The following STPG2 variants were observed in gnomAD, a reference collection of about 807,000 sequenced individuals.
STPG2 encodes sperm-tail PG-rich repeat-containing protein 2.
Under a neutral mutation model 54.2 loss-of-function variants are expected in STPG2, and 56 were observed. The ratio of observed to expected loss-of-function variants is 1.03; its 90% confidence interval spans 0.83 to 1.29. The LOEUF (loss-of-function observed/expected upper bound fraction) is 1.29. STPG2 is among the 50% of genes most tolerant of loss of function. STPG2 has a pLI of 0.00. For synonymous variants in STPG2, 200 were observed against 181.8 expected (o/e 1.10, Z -0.81); for missense variants, 596 against 544.9 (o/e 1.09, Z -0.93).
intron 5 of STPG2, among the ~76,000 whole-genome samples, chr4:97,997,601 G>A (rs1735283975): frequency 1.3e-5 from 2 of 152,146 alleles, no homozygotes; most frequent in South Asian, 4.1e-4. Context: ...AGATTTGGGT[G>A]ATAATGCATA....
At chr4:97,927,719 T>C (rs1450865949) in intron 8 of STPG2, among the ~76,000 whole-genome samples, 2 of 152,066 alleles carry the variant, frequency 1.3e-5, no homozygotes, top group East Asian at 1.9e-4. Flanking sequence ...TTCTATTGGA[T>C]TGCCTCAGTT....
intron 5 of STPG2, among the ~76,000 whole-genome samples, chr4:98,046,240 TGTTCATACAATG>T (rs1400316530): frequency 1.3e-5 from 2 of 152,178 alleles, no homozygotes; most frequent in Non-Finnish European, 2.9e-5. Flanking sequence ...ATTCTCACAT[TGTTCATACAATG>T]CTCTCCTGAT....
At chr4:97,892,299 C>T (rs903531191) in intron 8 of STPG2, among the ~76,000 whole-genome samples, 1 of 152,098 alleles carries the variant, frequency 6.6e-6, no homozygotes, top group Non-Finnish European at 1.5e-5. Flanking sequence ...TCCATACTGA[C>T]TTGTCCCCTT....
chr4:97,826,568 C>T (rs1728266062), intron 9 of STPG2, among the ~76,000 whole-genome samples: 1 of 152,064 alleles, frequency 6.6e-6, no homozygotes, highest in African/African-American at 2.4e-5. Context: ...AGAACCTTAC[C>T]TTATGGTCAA....
At chr4:97,982,958 A>T (rs1734725437) in intron 5 of STPG2, among the ~76,000 whole-genome samples, 2 of 152,170 alleles carry the variant, frequency 1.3e-5, no homozygotes, top group South Asian at 4.1e-4. Flanking sequence ...TATAATAAGT[A>T]CTTAGCATTC....
chr4:97,814,070 GA>G (rs1727833388), intron 9 of STPG2, among the ~76,000 whole-genome samples: 1 of 152,026 alleles, frequency 6.6e-6, no homozygotes, highest in Non-Finnish European at 1.5e-5. Context: ...ATGAGATCAT[GA>G]AAAATCAAAA....
At chr4:98,050,482 T>C (rs994710449) in intron 5 of STPG2, among the ~76,000 whole-genome samples, 1 of 152,134 alleles carries the variant, frequency 6.6e-6, no homozygotes, top group Non-Finnish European at 1.5e-5. Context: ...TCTCTCTTCC[T>C]GAATCCTTGC....
At chr4:97,695,340 A>T (rs774194343) in intron 10 of STPG2, among the ~76,000 whole-genome samples, 2 of 152,200 alleles carry the variant, frequency 1.3e-5, no homozygotes, top group Non-Finnish European at 2.9e-5. Flanking sequence ...GAAGGAACAT[A>T]CCTTAAGGTA....
rs377430579 is a variant in STPG2 at position 97,580,277 on chromosome 4, G to A, written c.1321-21160C>T. ...GAAGATACCTTATCAGAATCACCAG[G>A]TGACATACACATATAATTTATATAA... is the stretch of plus-strand genomic sequence containing the variant. On this transcript the variant is annotated intron_variant, in intron 10 of 10. Transcript: ENST00000295268. Among the ~76,000 whole-genome samples the A allele has an allele frequency of 1.4e-4, 22 of 151,870 alleles. No individual in the cohort carries two copies. In the East Asian group the frequency reaches 2.7e-3, roughly 19 times the overall value.
chr4:97,584,141 G>A lies in STPG2; in HGVS notation c.1321-25024C>T, dbSNP rs528799319. On this transcript the variant is annotated intron_variant, in intron 10 of 10. Transcript: ENST00000295268. The stretch of plus-strand genomic sequence containing the variant: ...CACCACATGATAGACCACAAAACAA[G>A]TCTCAATAAATTTAAGAAAATCAAA... 2.4e-3 allele frequency among the ~76,000 whole-genome samples: 358 copies of A among 151,946 alleles called. 1 individual carries two copies. Among genetic ancestry groups the A allele is most frequent in the Non-Finnish European group, 3.5e-3 (241 of 67,922 alleles).
intron 4 of STPG2, 33 bp from the exon 5 acceptor site, chr4:98,106,097 T>G: frequency 7.6e-7 from 1 of 1,308,244 alleles, no homozygotes; most frequent in Non-Finnish European, 1.0e-6. Flanking sequence ...TTAAGAATTC[T>G]CAATTTTAAA....
intron 4 of STPG2, among the ~76,000 whole-genome samples, chr4:97,476,520 G>C: frequency 6.6e-6 from 1 of 151,764 alleles, no homozygotes; most frequent in Admixed American, 6.6e-5. Flanking sequence ...TTTCCATATT[G>C]CATTGTTTAG....
At chr4:97,895,075 T>C (rs1250403454) in intron 8 of STPG2, among the ~76,000 whole-genome samples, 1 of 151,786 alleles carries the variant, frequency 6.6e-6, no homozygotes, top group Non-Finnish European at 1.5e-5. Flanking sequence ...TCACAATAAT[T>C]GTGGGCTCAA....
intron 5 of STPG2, among the ~76,000 whole-genome samples, chr4:98,020,796 T>C (rs927522716): frequency 1.6e-4 from 24 of 152,216 alleles, no homozygotes; most frequent in African/African-American, 5.8e-4. Context: ...ATTTTCTAGT[T>C]TATTTGTGTA....
At chr4:97,995,917 C>T (rs1209148378) in intron 5 of STPG2, among the ~76,000 whole-genome samples, 1 of 151,974 alleles carries the variant, frequency 6.6e-6, no homozygotes, top group Non-Finnish European at 1.5e-5. Flanking sequence ...ACTACAAAAC[C>T]CTGCTGAAAC....
chr4:97,913,804 CT>C (rs1578684569), intron 8 of STPG2, among the ~76,000 whole-genome samples: 1 of 151,942 alleles, frequency 6.6e-6, no homozygotes, highest in African/African-American at 2.4e-5. Context: ...TAATCTGATG[CT>C]AAATTTGAAA....
chr4:97,862,204 G>A (rs1415222619), intron 8 of STPG2, among the ~76,000 whole-genome samples: 5 of 150,470 alleles, frequency 3.3e-5, no homozygotes, highest in African/African-American at 9.7e-5. Flanking sequence ...GAGCCTATGT[G>A]TGTGTGCAGA....
At position 97,713,528 on chromosome 4, in the gene STPG2, G is replaced by T. The variant is rs535048133; in HGVS notation, c.1205-714C>A. Among the ~76,000 whole-genome samples the T allele has an allele frequency of 2.6e-5, 4 of 152,342 alleles. No individual in the cohort carries two copies. The South Asian group carries it at 8.3e-4, about 32-fold the overall frequency. ...TAAAAGTTTTAGATTAAATAGTCAT[G>T]AAAAGTGGTAGTTTAGAAAGTAAAT... On this transcript the variant is annotated intron_variant, in intron 9 of 10. Transcript: ENST00000295268.
At chr4:97,887,424 A>G (rs1314310914) in intron 8 of STPG2, among the ~76,000 whole-genome samples, 1 of 152,142 alleles carries the variant, frequency 6.6e-6, no homozygotes, top group African/African-American at 2.4e-5. Context: ...TATGCCTTAG[A>G]AAAGAACTTG....
Sources: allele counts gnomAD v4.1 joint callset (sites outside exome capture counted in the v4.1 genomes callset), GRCh38; gene constraint gnomAD v4.1.1; transcripts MANE v1.5; gene names NCBI Gene and HGNC (gene_info 2026-07-23, HGNC 2026-07-21).